Variants in ZNF540 observed in about 807,000 individuals in gnomAD.
ZNF540 encodes the protein zinc finger protein 540, also known as CTD-3064H18.6.
A neutral mutation model predicts 11.8 loss-of-function variants in ZNF540; 3 were observed. The observed-to-expected ratio is 0.25, with a 90% CI of 0.12 to 0.65. The LOEUF is 0.65. Among genes scored for constraint, ZNF540 ranks in the 30% least tolerant of loss-of-function variants. The pLI is 0.83. For missense variants in ZNF540, 709 were observed against 793.1 expected, an observed-to-expected ratio of 0.89 and a Z score of 1.27; for synonymous variants, 247 against 259.0, an observed-to-expected ratio of 0.95 and a Z score of 0.45.
intron 4 of ZNF540, 159 bp downstream of exon 4, chr19:37,601,264 C>G: frequency 1.8e-6 from 1 of 547,132 alleles, no homozygotes; most frequent in Non-Finnish European, 3.2e-6. Flanking sequence ...AACAGATCAT[C>G]TGAGCATGAA....
At position 37,612,164 on chromosome 19, in the gene ZNF540, G is replaced by A. The variant is rs1315544704; in HGVS notation, c.884G>A (p.Gly295Asp). ...ELTQHKRIHT[G>D]KKSYECKECG... ...ACTCAACATAAAAGAATTCATACTG[G>A]TAAGAAATCTTATGAATGTAAAGAA... Residue 295 changes from glycine to aspartate, a missense_variant, in exon 5 of 5, where the codon GGT becomes GAT. Gly to Asp is a moderately conservative substitution (Grantham distance 94). Coordinates refer to ENST00000316433, the MANE Select transcript of ZNF540 (RefSeq NM_001172225.3). 1.9e-6 allele frequency: 3 copies of A among 1,611,392 alleles called. No homozygotes were observed. The highest frequency in any genetic ancestry group is 2.5e-6 in the Non-Finnish European group (3 of 1,179,596).
intron 4 of ZNF540, among the ~76,000 whole-genome samples, chr19:37,607,826 A>G (rs1487793819): frequency 1.3e-5 from 2 of 152,236 alleles, no homozygotes; most frequent in Non-Finnish European, 2.9e-5. Flanking sequence ...GTAAACACCA[A>G]AGAAATGATT....
At chr19:37,601,228 G>T in intron 4 of ZNF540, 123 bp downstream of exon 4, 2 of 717,288 alleles carry the variant, frequency 2.8e-6, no homozygotes. Context: ...TCAGGCCTTT[G>T]GAGTAAAGGT....
chr19:37,559,936 C>A (rs1466256522), intron 1 of ZNF540, among the ~76,000 whole-genome samples: 2 of 152,106 alleles, frequency 1.3e-5, no homozygotes, highest in Non-Finnish European at 2.9e-5. Flanking sequence ...AAAATAAACA[C>A]GAAAGTTTTA....
At chr19:37,589,195 C>T (rs1226262391) in intron 1 of ZNF540, among the ~76,000 whole-genome samples, 3 of 92,040 alleles carry the variant, frequency 3.3e-5, no homozygotes, top group Non-Finnish European at 6.6e-5. Context: ...AGCCAAACTC[C>T]GTCTCAAAAA....
chr19:37,586,566 C>G, intron 1 of ZNF540: 4 of 1,386,642 alleles, frequency 2.9e-6, no homozygotes, highest in Non-Finnish European at 1.0e-6. Flanking sequence ...GAAGCAGTTC[C>G]CTTAAGGAAC....
At chr19:37,589,959 C>A (rs1473651574), upstream of ZNF540, among the ~76,000 whole-genome samples, 1 of 148,818 alleles carries the variant, frequency 6.7e-6, no homozygotes, top group African/African-American at 2.5e-5. Flanking sequence ...AAATAACAGG[C>A]CTGTAGTTTT....
rs58181180 is a variant in ZNF540 at position 37,572,542 on chromosome 19, T to C, written c.-73+20877T>C. 5.9e-3 allele frequency among the ~76,000 whole-genome samples: 903 copies of C among 152,254 alleles called. 10 individuals carry two copies. The highest frequency in any genetic ancestry group is 0.021 in the African/African-American group (853 of 41,532). ...TATCAGATTCAAAAAACACATAATA[T>C]ATATGGCTCAGTACTAGCTCTGGTT... On this transcript the variant is annotated intron_variant, in intron 1 of 4. Coordinates refer to the ZNF540 transcript ENST00000592533.
chr19:37,590,034 TAA>T (rs1013135033), upstream of ZNF540, among the ~76,000 whole-genome samples: 2 of 151,800 alleles, frequency 1.3e-5, no homozygotes, highest in Non-Finnish European at 2.9e-5. Flanking sequence ...TAAAAGAGAC[TAA>T]AGAGATGATT....
intron 1 of ZNF540, chr19:37,556,311 C>T: frequency 1.7e-6 from 1 of 595,056 alleles, no homozygotes; most frequent in Non-Finnish European, 3.0e-6. Flanking sequence ...CAAAAACAAA[C>T]AAGTGAGGTA....
chr19:37,568,627 A>T (rs2042949643), intron 1 of ZNF540, among the ~76,000 whole-genome samples: 1 of 152,204 alleles, frequency 6.6e-6, no homozygotes, highest in Non-Finnish European at 1.5e-5. Context: ...GCTAAACAGA[A>T]ATCTAGAGGA....
chr19:37,589,821 C>T (rs1164338899), intron 1 of ZNF540, among the ~76,000 whole-genome samples: 3 of 125,298 alleles, frequency 2.4e-5, no homozygotes, highest in African/African-American at 6.0e-5. Context: ...GCCAAGATCG[C>T]GCCACTGCAC....
intron 1 of ZNF540, chr19:37,562,803 T>G (rs1355367300): frequency 6.6e-6 from 1 of 152,232 alleles, no homozygotes; most frequent in Non-Finnish European, 1.5e-5. Flanking sequence ...AAAGCATAAT[T>G]CATGTATTAT....
chr19:37,551,970 T>A (rs2042611034), intron 1 of ZNF540, among the ~76,000 whole-genome samples: 1 of 152,124 alleles, frequency 6.6e-6, no homozygotes, highest in South Asian at 2.1e-4. Flanking sequence ...TGGGGGTCAT[T>A]GATTTCAGCT....
chr19:37,556,111 C>T lies in ZNF540; in HGVS notation c.-73+4446C>T, dbSNP rs1345897092. On this transcript the variant is annotated intron_variant, in intron 1 of 4. Transcript: ENST00000592533. The stretch of plus-strand genomic sequence containing the variant: ...AATCCTGCTGCAAGGTTGACACTTC[C>T]TGCTTTTGGGACCGGCAGATTGTGT... 8 of 702,610 alleles carry T rather than the reference C, an allele frequency of 1.1e-5. No individual in the cohort carries two copies. The African/African-American group carries it at 1.2e-4, about 11-fold the overall frequency. 43.5% of individuals were successfully genotyped at this position (702,610 alleles called of 1,614,324 possible).
At chr19:37,588,459 A>G (rs1423817688) in intron 1 of ZNF540, among the ~76,000 whole-genome samples, 1 of 152,242 alleles carries the variant, frequency 6.6e-6, no homozygotes, top group African/African-American at 2.4e-5. Context: ...ACACAGAAAC[A>G]AAACCAAATA....
At chr19:37,589,816 G>T (rs1252653846) in intron 1 of ZNF540, among the ~76,000 whole-genome samples, 1 of 129,528 alleles carries the variant, frequency 7.7e-6, no homozygotes, top group Non-Finnish European at 1.5e-5. Flanking sequence ...AGTGAGCCAA[G>T]ATCGCGCCAC....
intron 1 of ZNF540, among the ~76,000 whole-genome samples, chr19:37,588,306 A>G (rs933490656): frequency 3.3e-5 from 5 of 152,080 alleles, no homozygotes; most frequent in African/African-American, 1.2e-4. Flanking sequence ...CAAGAATTGG[A>G]AAAAAATGCC....
intron 1 of ZNF540, chr19:37,565,630 A>G: frequency 1.2e-6 from 2 of 1,613,492 alleles, no homozygotes; most frequent in Non-Finnish European, 1.7e-6. Context: ...GATGAAGAGT[A>G]TATTGTGAAC....
Sources: allele counts gnomAD v4.1 joint callset (sites outside exome capture counted in the v4.1 genomes callset), GRCh38; gene constraint gnomAD v4.1.1; transcripts MANE v1.5; gene names NCBI Gene and HGNC (gene_info 2026-07-23, HGNC 2026-07-21).